The following TNRC18 variants were observed in gnomAD, a reference collection of about 807,000 sequenced individuals.
The protein encoded by TNRC18 is trinucleotide repeat containing 18, also known as trinucleotide repeat-containing gene 18 protein.
In TNRC18, 69 loss-of-function variants were observed where a neutral mutation model predicts 226.7. That is an observed-to-expected ratio of 0.30 (90% CI 0.25 to 0.37). TNRC18 has a LOEUF of 0.37. Among genes scored for constraint, TNRC18 ranks in the 10% least tolerant of loss-of-function variants. TNRC18 has a pLI of 1.00. For synonymous variants in TNRC18, 2,449 were observed against 1,927.6 expected (o/e 1.27, Z -7.09); for missense variants, 4,754 against 4,256.6 (o/e 1.12, Z -3.25).
Position 5,373,282 on chromosome 7 carries a change from C to T in TNRC18, c.3229+773G>A, listed in dbSNP as rs567174151. ...AAGGCTGCAGTGAGCTGTGATTGTACCACTGCAGTACAAGCTGGGGCAACA... is the reference window on the plus strand; with the variant it reads ...AAGGCTGCAGTGAGCTGTGATTGTATCACTGCAGTACAAGCTGGGGCAACA... On this transcript the variant is annotated intron_variant, in intron 10 of 29. Coordinates refer to ENST00000430969, the MANE Select transcript of TNRC18 (RefSeq NM_001080495.3). Among the ~76,000 whole-genome samples the T allele has an allele frequency of 6.6e-5, 10 of 152,274 alleles. No homozygotes were observed. The East Asian group carries it at 1.7e-3, about 26-fold the overall frequency.
intron 2 of TNRC18, among the ~76,000 whole-genome samples, chr7:5,413,571 A>G (rs955664323): frequency 2.6e-5 from 4 of 152,092 alleles, no homozygotes; most frequent in Admixed American, 1.3e-4. Flanking sequence ...TGTTGCCCAG[A>G]CCACTGTGAG....
chr7:5,332,103 T>C (rs1789582501), intron 19 of TNRC18, among the ~76,000 whole-genome samples: 1 of 152,174 alleles, frequency 6.6e-6, no homozygotes, highest in Non-Finnish European at 1.5e-5. Context: ...CTTTTTAAAG[T>C]CGTCTTCTGA....
chr7:5,403,682 C>T (rs574212605), intron 2 of TNRC18, among the ~76,000 whole-genome samples: 5 of 151,700 alleles, frequency 3.3e-5, no homozygotes, highest in East Asian at 2.0e-4. Context: ...GTCCCAGCTA[C>T]GTGGGAGGTT....
chr7:5,368,811 C>A (rs1233264094), intron 11 of TNRC18, among the ~76,000 whole-genome samples: 1 of 152,124 alleles, frequency 6.6e-6, no homozygotes, highest in Non-Finnish European at 1.5e-5. Context: ...GGGATATCAT[C>A]TCTTCAACGG....
At chr7:5,362,127 A>G in intron 12 of TNRC18, 94 bp from the exon 13 acceptor site, 1 of 1,477,622 alleles carries the variant, frequency 6.8e-7, no homozygotes, top group Non-Finnish European at 9.2e-7. Flanking sequence ...GGAAGGGGAG[A>G]CTGCACTGGG....
chr7:5,393,229 C>T (rs1158099040), intron 3 of TNRC18, among the ~76,000 whole-genome samples: 1 of 152,382 alleles, frequency 6.6e-6, no homozygotes, highest in South Asian at 2.1e-4. Context: ...CTGGCATCTG[C>T]CTTGGCTGGT....
At chr7:5,308,424 CAG>C in intron 29 of TNRC18, 112 bp from the exon 30 acceptor site, 1 of 994,428 alleles carries the variant, frequency 1.0e-6, no homozygotes, top group East Asian at 2.6e-5. Flanking sequence ...GGGACTGAGA[CAG>C]AGACCAAGTC....
At chr7:5,396,176 A>C (rs1780675628) in intron 2 of TNRC18, among the ~76,000 whole-genome samples, 1 of 149,368 alleles carries the variant, frequency 6.7e-6, no homozygotes, top group Non-Finnish European at 1.5e-5. Context: ...GTCTCAAAAA[A>C]AAAAAAAAAA....
chr7:5,404,704 T>C (rs944101393), intron 2 of TNRC18, among the ~76,000 whole-genome samples: 1 of 151,844 alleles, frequency 6.6e-6, no homozygotes. Context: ...GCAGCCAAAA[T>C]GATCTGCAGA....
chr7:5,388,838 C>T lies in TNRC18; in HGVS notation c.986G>A (p.Arg329His), dbSNP rs1437792297. Reference protein sequence around the residue: ...RRTETLLPGPRPCPSPLPPPP... With the variant: ...RRTETLLPGPHPCPSPLPPPP... ...CGGGGGCAGCGGTGAGGGGCAGGGG[C>T]GCGGCCCAGGGAGCAGGGTCTCCGT... Residue 329 changes from arginine (R) to histidine (H), a missense_variant, in exon 5 of 30, where the codon CGC becomes CAC. Arg to His is a conservative substitution (Grantham distance 29). Coordinates refer to ENST00000430969, the MANE Select transcript of TNRC18 (RefSeq NM_001080495.3). 20 of 1,215,926 alleles carry T rather than the reference C, an allele frequency of 1.6e-5. No individual in the cohort carries two copies. Among genetic ancestry groups the T allele is most frequent in the African/African-American group, 3.3e-5 (2 of 60,920 alleles). The allele number at this position is 1,215,926 out of a possible 1,614,324, so 75.3% of individuals were successfully genotyped here.
At chr7:5,325,932 C>A (rs768682784) in intron 19 of TNRC18, among the ~76,000 whole-genome samples, 2 of 151,564 alleles carry the variant, frequency 1.3e-5, no homozygotes, top group Non-Finnish European at 2.9e-5. Context: ...CAGGGTCTTG[C>A]TATGTTGCCC....
rs575498121 is a variant in TNRC18 at position 5,417,021 on chromosome 7, G to C, written c.187+4039C>G. The stretch of plus-strand genomic sequence containing the variant: ...TTTTTTTAAGTAACAAAATCAGCTG[G>C]GTGCAGTGGTGCACACCTGAAATCC... On this transcript the variant is annotated intron_variant, in intron 2 of 29. Coordinates refer to ENST00000430969, the MANE Select transcript of TNRC18 (RefSeq NM_001080495.3). 3.3e-5 allele frequency among the ~76,000 whole-genome samples: 5 copies of C among 151,626 alleles called. No individual in the cohort carries two copies. The East Asian group carries it at 9.7e-4, about 30-fold the overall frequency.
intron 18 of TNRC18, among the ~76,000 whole-genome samples, chr7:5,335,301 C>CAAAAAA (rs1167746227): frequency 0.029 from 1,685 of 58,200 alleles, 106 homozygotes; most frequent in East Asian, 0.057. Flanking sequence ...GAATCTGTCT[C>CAAAAAA]AAAAAAAAAA....
At chr7:5,407,546 C>A (rs901732979) in intron 2 of TNRC18, among the ~76,000 whole-genome samples, 20 of 152,244 alleles carry the variant, frequency 1.3e-4, no homozygotes, top group African/African-American at 4.8e-4. Context: ...ACAGCACCAG[C>A]CGGCAATTCT....
At position 5,351,984 on chromosome 7, in the gene TNRC18, T is replaced by C. The variant is rs778690692; in HGVS notation, c.5305A>G (p.Ser1769Gly). Residue 1769 changes from serine to glycine, a missense_variant, in exon 17 of 30, where the codon AGC (serine) becomes GGC (glycine). Physicochemically the swap from Ser to Gly is moderately conservative, Grantham distance 56. Coordinates refer to ENST00000430969, the MANE Select transcript of TNRC18 (RefSeq NM_001080495.3). ...AGCTTGGGGCCACCAGCTGCCTTGCTGTTCTTTGCCACCATGCTACACAGG... is the reference window on the plus strand; with the variant it reads ...AGCTTGGGGCCACCAGCTGCCTTGCCGTTCTTTGCCACCATGCTACACAGG... The part of the protein sequence containing the change: ...SLLCSMVAKN[S>G]KAAGGPKLTK... The C allele has an allele frequency of 8.9e-5, 143 of 1,613,900 alleles. No individual in the cohort carries two copies. In the Admixed American group the frequency reaches 2.3e-3, roughly 26 times the overall value.
chr7:5,335,099 C>T (rs1789956380), intron 18 of TNRC18, among the ~76,000 whole-genome samples: 1 of 150,564 alleles, frequency 6.6e-6, no homozygotes, highest in Non-Finnish European at 1.5e-5. Flanking sequence ...GTCAGGAGTT[C>T]AAGACCATCC....
At chr7:5,330,885 G>A (rs555071337) in intron 19 of TNRC18, among the ~76,000 whole-genome samples, 1 of 152,088 alleles carries the variant, frequency 6.6e-6, no homozygotes, top group Non-Finnish European at 1.5e-5. Flanking sequence ...ATGTTGGCCA[G>A]GCTGGTCTCA....
chr7:5,313,821 A>G lies in TNRC18; in HGVS notation c.7070T>C (p.Val2357Ala), dbSNP rs1562480676. Residue 2357 changes from valine to alanine, a missense_variant, in exon 27 of 30, where the codon GTC becomes GCC. Coordinates refer to ENST00000430969, the MANE Select transcript of TNRC18 (RefSeq NM_001080495.3). Reference protein sequence around the residue: ...TLEEGNPTDEVPSTPLALEPS... With the variant: ...TLEEGNPTDEAPSTPLALEPS... Reference sequence around the variant, plus strand: ...CTCCAGGGCTAAGGGGGTACTGGGGACCTCGTCTGTTGGGTTCCCCTCCTC... The same window carrying G: ...CTCCAGGGCTAAGGGGGTACTGGGGGCCTCGTCTGTTGGGTTCCCCTCCTC... 6.6e-7 allele frequency: 1 copy of G among 1,506,098 alleles called. No individual in the cohort carries two copies. The highest frequency in any genetic ancestry group is 8.9e-7 in the Non-Finnish European group (1 of 1,127,662). The allele number at this position is 1,506,098 out of a possible 1,614,324, so 93.3% of individuals were successfully genotyped here.
intron 5 of TNRC18, among the ~76,000 whole-genome samples, chr7:5,384,695 C>A (rs1231564343): frequency 6.6e-6 from 1 of 152,198 alleles, no homozygotes; most frequent in Non-Finnish European, 1.5e-5. Flanking sequence ...GGGGGGCCCA[C>A]AGCCCCAAAC....
Sources: gnomAD v4.1 joint callset for allele counts (sites outside exome capture counted in the v4.1 genomes callset) on GRCh38, gnomAD v4.1.1 for gene constraint, MANE v1.5 for transcripts, NCBI Gene and HGNC (gene_info 2026-07-23, HGNC 2026-07-21) for gene names.